Variants in ZNF423 observed in about 807,000 individuals in gnomAD.
The protein encoded by ZNF423 is zinc finger protein 423.
Under a neutral mutation model 95.8 loss-of-function variants are expected in ZNF423, and 12 were observed. The ratio of observed to expected loss-of-function variants is 0.13; its 90% CI spans 0.08 to 0.20. ZNF423 has a LOEUF of 0.20. ZNF423 is among the 10% of genes least tolerant of loss of function. ZNF423 has a pLI of 1.00. For missense variants in ZNF423, 1,316 were observed against 1,737.1 expected (o/e 0.76, Z 4.31); for synonymous variants, 749 against 711.9 (o/e 1.05, Z -0.83).
intron 1 of ZNF423, among the ~76,000 whole-genome samples, chr16:49,836,802 C>A (rs1212008911): frequency 6.6e-6 from 1 of 152,178 alleles, no homozygotes; most frequent in Non-Finnish European, 1.5e-5. Flanking sequence ...GCTTGGAACT[C>A]TCCTACTAGT....
At chr16:49,707,531 C>A (rs2032393006) in intron 3 of ZNF423, among the ~76,000 whole-genome samples, 1 of 150,052 alleles carries the variant, frequency 6.7e-6, no homozygotes, top group Admixed American at 6.7e-5. Flanking sequence ...GCAGGAGAAT[C>A]ATTTGAACCC....
chr16:49,612,245 AG>A (rs1299544158), intron 5 of ZNF423, among the ~76,000 whole-genome samples: 2 of 152,100 alleles, frequency 1.3e-5, no homozygotes, highest in East Asian at 3.9e-4. Context: ...ACGAAGTATT[AG>A]CAAATAGCAG....
chr16:49,715,872 T>C (rs1465187473), intron 3 of ZNF423, among the ~76,000 whole-genome samples: 2 of 150,914 alleles, frequency 1.3e-5, no homozygotes, highest in Admixed American at 6.6e-5. Context: ...ACCCCATGTA[T>C]GCAAAAAATC....
At chr16:49,708,350 T>C (rs2032428503) in intron 3 of ZNF423, 1 of 152,068 alleles carries the variant, frequency 6.6e-6, no homozygotes, top group Non-Finnish European at 1.5e-5. Context: ...GGCTAGAGTG[T>C]AGCGGCAAGA....
At chr16:49,815,414 G>A (rs1291759465) in intron 1 of ZNF423, among the ~76,000 whole-genome samples, 1 of 152,232 alleles carries the variant, frequency 6.6e-6, no homozygotes, top group East Asian at 1.9e-4. Flanking sequence ...AGGGAAGTAG[G>A]GGGCCTGGCA....
At chr16:49,652,459 C>T (rs1431498967) in intron 3 of ZNF423, among the ~76,000 whole-genome samples, 1 of 152,080 alleles carries the variant, frequency 6.6e-6, no homozygotes, top group Non-Finnish European at 1.5e-5. Context: ...AAGAGCCCCC[C>T]AAGTCTGCCC....
At chr16:49,568,546 G>T (rs984324254) in intron 5 of ZNF423, among the ~76,000 whole-genome samples, 1 of 152,138 alleles carries the variant, frequency 6.6e-6, no homozygotes, top group Non-Finnish European at 1.5e-5. Context: ...TAAATCTTCA[G>T]TGCCTCCCAT....
intron 2 of ZNF423, among the ~76,000 whole-genome samples, chr16:49,736,270 A>C (rs1330084256): frequency 6.6e-6 from 1 of 152,162 alleles, no homozygotes; most frequent in Non-Finnish European, 1.5e-5. Flanking sequence ...TTAGGTCAAA[A>C]AAGTTGAATA....
intron 1 of ZNF423, among the ~76,000 whole-genome samples, chr16:49,831,866 T>C (rs1597049268): frequency 6.7e-6 from 1 of 148,628 alleles, no homozygotes; most frequent in African/African-American, 2.5e-5. Context: ...CCAGGCATGG[T>C]GGGGCGTGCC....
Position 49,796,421 on chromosome 16 carries a change from G to A in ZNF423, c.41-6875C>T, listed in dbSNP as rs558081656. 1.6e-4 allele frequency among the ~76,000 whole-genome samples: 25 copies of A among 152,338 alleles called. No homozygotes were observed. The South Asian group carries it at 5.2e-3, about 32-fold the overall frequency. On this transcript the variant is annotated intron_variant, in intron 1 of 7. Coordinates refer to ENST00000563137, the MANE Select transcript of ZNF423 (RefSeq NM_001379286.1). ...GAGGGCTCCCCAACACCTCACAGAG[G>A]CAGAAGAGATGGAGCTGGAGAGGGA...
intron 1 of ZNF423, among the ~76,000 whole-genome samples, chr16:49,806,050 G>A (rs1460840223): frequency 6.6e-6 from 1 of 152,234 alleles, no homozygotes; most frequent in African/African-American, 2.4e-5. Flanking sequence ...GTTCATACAT[G>A]TATTTCATTT....
chr16:49,828,548 G>A lies in ZNF423; in HGVS notation c.40+27187C>T, dbSNP rs1289371170. Among the ~76,000 whole-genome samples the A allele has an allele frequency of 2.0e-5, 3 of 152,184 alleles. 1 individual carries two copies. The highest frequency in any genetic ancestry group is 2.0e-4 in the Admixed American group (3 of 15,282). On this transcript the variant is annotated intron_variant, in intron 1 of 7. Transcript: ENST00000563137. Reference sequence around the variant, plus strand: ...CAAGTTCCCTAAAAGCAACAGCAGGGGCCTAGAAAAGACTCCGCCAGCTTA... The same window carrying A: ...CAAGTTCCCTAAAAGCAACAGCAGGAGCCTAGAAAAGACTCCGCCAGCTTA...
rs1394388848 is a variant in ZNF423, at chr16:49,796,886, C to T, written c.41-7340G>A. 2.0e-5 allele frequency among the ~76,000 whole-genome samples: 3 copies of T among 152,288 alleles called. No individual in the cohort carries two copies. The East Asian group carries it at 5.8e-4, about 30-fold the overall frequency. On this transcript the variant is annotated intron_variant, in intron 1 of 7. Coordinates refer to ENST00000563137, the MANE Select transcript of ZNF423 (RefSeq NM_001379286.1). Reference sequence around the variant, plus strand: ...AGAAGATCTAGAACCACCTCCACCCCCAAAATAACTTTAAGCACCCATAGA... The same window carrying T: ...AGAAGATCTAGAACCACCTCCACCCTCAAAATAACTTTAAGCACCCATAGA...
At chr16:49,784,615 T>A (rs1024647556) in intron 2 of ZNF423, among the ~76,000 whole-genome samples, 1 of 152,130 alleles carries the variant, frequency 6.6e-6, no homozygotes, top group African/African-American at 2.4e-5. Context: ...ATTATATGAC[T>A]CCACTGACAG....
intron 1 of ZNF423, among the ~76,000 whole-genome samples, chr16:49,799,580 C>T (rs951255001): frequency 1.3e-5 from 2 of 152,272 alleles, no homozygotes; most frequent in Admixed American, 6.5e-5. Flanking sequence ...CTCTCACCCT[C>T]CTATTCCCCA....
At chr16:49,826,814 C>T (rs899751079) in intron 1 of ZNF423, 4 of 152,302 alleles carry the variant, frequency 2.6e-5, no homozygotes, top group African/African-American at 9.6e-5. Context: ...AACAAAACCT[C>T]CTTAATCTTC....
At chr16:49,713,667 C>T (rs56360323) in intron 3 of ZNF423, among the ~76,000 whole-genome samples, 13,812 of 152,246 alleles carry the variant, frequency 0.091, 859 homozygotes, top group Non-Finnish European at 0.14. Flanking sequence ...GGTTTGAGTG[C>T]GCCATCTGTT....
chr16:49,620,184 T>G (rs898177972), intron 5 of ZNF423, among the ~76,000 whole-genome samples: 12 of 135,464 alleles, frequency 8.9e-5, no homozygotes, highest in African/African-American at 3.4e-4. Flanking sequence ...AACACACACA[T>G]ACACACACAT....
intron 2 of ZNF423, among the ~76,000 whole-genome samples, chr16:49,788,511 AC>A (rs2034355939): frequency 6.6e-6 from 1 of 152,218 alleles, no homozygotes; most frequent in Non-Finnish European, 1.5e-5. Flanking sequence ...CTGATGCCTA[AC>A]CGCGTTTCTG....
Sources: gnomAD v4.1 joint callset for allele counts (sites outside exome capture counted in the v4.1 genomes callset) on GRCh38, gnomAD v4.1.1 for gene constraint, MANE v1.5 for transcripts, NCBI Gene and HGNC (gene_info 2026-07-23, HGNC 2026-07-21) for gene names.